Variants in RBM19 observed in about 807,000 individuals in gnomAD.
RBM19 encodes the protein RNA binding motif protein 19.
Under a neutral mutation model 116.8 loss-of-function variants are expected in RBM19, and 94 were observed. The ratio of observed to expected loss-of-function variants is 0.80; its 90% confidence interval spans 0.68 to 0.95. The LOEUF is 0.95. RBM19 is among the 40% of genes least tolerant of loss of function. RBM19 has a pLI of 0.00. For synonymous variants in RBM19, 475 were observed against 494.1 expected (o/e 0.96, Z 0.51); for missense variants, 1,161 against 1,220.7 (o/e 0.95, Z 0.73).
Position 113,899,769 on chromosome 12 carries a change from A to G in RBM19, c.2558+15200T>C, listed in dbSNP as rs954200383. On this transcript the variant is annotated intron_variant, in intron 21 of 23. Coordinates refer to ENST00000261741, the MANE Select transcript of RBM19 (RefSeq NM_016196.4). ...GTGAGGGGAGAGAAGCTGTTCCTAA[A>G]GAGGAATCCCCCAAGCTGTCTGGGG... Among the ~76,000 whole-genome samples, 8 of 152,060 alleles carry G rather than the reference A, an allele frequency of 5.3e-5. No homozygotes were observed. The East Asian group carries it at 1.2e-3, about 22-fold the overall frequency.
chr12:113,892,071 T>G (rs181771506), intron 21 of RBM19, among the ~76,000 whole-genome samples: 1 of 152,304 alleles, frequency 6.6e-6, no homozygotes, highest in Admixed American at 6.5e-5. Flanking sequence ...ACTTACTCTG[T>G]GAGCTGAGCC....
intron 21 of RBM19, among the ~76,000 whole-genome samples, chr12:113,880,906 AACGT>A (rs1332839330): frequency 3.3e-5 from 5 of 152,156 alleles, no homozygotes; most frequent in African/African-American, 9.7e-5. Context: ...AAACATCAGG[AACGT>A]AGACAGAAAG....
At chr12:113,871,926 C>T (rs1288835478) in intron 21 of RBM19, among the ~76,000 whole-genome samples, 41 of 152,032 alleles carry the variant, frequency 2.7e-4, no homozygotes, top group Middle Eastern at 6.8e-3. Flanking sequence ...GCCGAGATTG[C>T]AGCCTCTGCC....
At chr12:113,839,897 A>G (rs1876315562) in intron 23 of RBM19, among the ~76,000 whole-genome samples, 1 of 152,160 alleles carries the variant, frequency 6.6e-6, no homozygotes, top group African/African-American at 2.4e-5. Context: ...TCCAAAGTTG[A>G]TGCTCTTTTT....
At chr12:113,901,457 G>A (rs1391122804) in intron 21 of RBM19, among the ~76,000 whole-genome samples, 1 of 152,140 alleles carries the variant, frequency 6.6e-6, no homozygotes, top group Non-Finnish European at 1.5e-5. Flanking sequence ...TTCACATAGA[G>A]AGTAAGCCTG....
At chr12:113,945,953 C>G (rs369852568) in intron 12 of RBM19, 29 bp from the exon 13 acceptor site, 6 of 1,514,690 alleles carry the variant, frequency 4.0e-6, no homozygotes, top group African/African-American at 2.8e-5. Context: ...ACAGGGAGAT[C>G]AGACCGCAGC....
At chr12:113,964,181 CCTAAA>C (rs753558338) in intron 1 of RBM19, among the ~76,000 whole-genome samples, 55 of 152,192 alleles carry the variant, frequency 3.6e-4, no homozygotes, top group African/African-American at 4.3e-4. Flanking sequence ...CAATTCAATC[CCTAAA>C]CTAAAGATTG....
At position 113,959,917 on chromosome 12, in the gene RBM19, GCA is replaced by G; in HGVS notation, c.340-16_340-15del. The G allele has an allele frequency of 1.2e-6, 2 of 1,614,170 alleles. No individual in the cohort carries two copies. The highest frequency in any genetic ancestry group is 1.7e-6 in the Non-Finnish European group (2 of 1,180,018). ...CTTCTTCTCATCCTGAAAACAGAAG[GCA>G]CAGAGAGTGAGGGTCACACAGATGA... On this transcript the variant is annotated splice_polypyrimidine_tract_variant and intron_variant, in intron 3 of 23. Transcript: ENST00000261741.
At chr12:113,858,354 A>T (rs1309395909) in intron 22 of RBM19, among the ~76,000 whole-genome samples, 1 of 152,196 alleles carries the variant, frequency 6.6e-6, no homozygotes, top group Non-Finnish European at 1.5e-5. Flanking sequence ...AGCGGAAAAA[A>T]GGAAGGGGAA....
chr12:113,951,935 T>C (rs1871505958), intron 8 of RBM19, among the ~76,000 whole-genome samples: 2 of 152,188 alleles, frequency 1.3e-5, no homozygotes, highest in Admixed American at 6.5e-5. Flanking sequence ...TCTTGAGAAG[T>C]AGCAAGTCAG....
chr12:113,957,652 C>T (rs371135122), intron 6 of RBM19, 130 bp downstream of exon 6: 33 of 1,315,580 alleles, frequency 2.5e-5, no homozygotes, highest in African/African-American at 2.3e-4. Flanking sequence ...GGGCCAAGAT[C>T]GGGAAGGCTT....
chr12:113,893,366 GC>G (rs1881085545), intron 21 of RBM19, among the ~76,000 whole-genome samples: 1 of 152,154 alleles, frequency 6.6e-6, no homozygotes, highest in African/African-American at 2.4e-5. Flanking sequence ...CTGGGCTCAA[GC>G]AATCCGCCCG....
At chr12:113,839,441 A>C (rs1359791563) in intron 23 of RBM19, among the ~76,000 whole-genome samples, 1 of 152,164 alleles carries the variant, frequency 6.6e-6, no homozygotes, top group Non-Finnish European at 1.5e-5. Context: ...GCATCACCTC[A>C]CTTTCCCAAT....
At position 113,825,180 on chromosome 12, in the gene RBM19, C is replaced by T. The variant is rs1438855599; in HGVS notation, c.2786-1859G>A. Among the ~76,000 whole-genome samples, 2 of 152,220 alleles carry T rather than the reference C, an allele frequency of 1.3e-5. No homozygotes were observed. The highest frequency in any genetic ancestry group is 6.5e-5 in the Admixed American group (1 of 15,292). On this transcript the variant is annotated intron_variant, in intron 23 of 23. Transcript: ENST00000261741. The surrounding 1 kb of genome is among the most constrained non-coding windows in gnomAD (Gnocchi z 5.7). ...GAAATATCCCAGAAAGGGGAATGAG[C>T]GGACGGAGCAAGGGTGAGAGAGAGA...
chr12:113,828,450 G>T (rs1362216480), intron 23 of RBM19, among the ~76,000 whole-genome samples: 8 of 151,928 alleles, frequency 5.3e-5, no homozygotes, highest in South Asian at 2.1e-4. Flanking sequence ...GATAGGCAAG[G>T]CTTCCACAAA....
chr12:113,936,867 G>A, intron 16 of RBM19, 140 bp downstream of exon 16: 1 of 1,124,762 alleles, frequency 8.9e-7, no homozygotes, highest in Non-Finnish European at 1.2e-6. Context: ...TAAAATCTGA[G>A]AGTCTGAGCC....
intron 7 of RBM19, 144 bp downstream of exon 7, chr12:113,954,987 T>C (rs1466939684): frequency 6.8e-6 from 5 of 739,880 alleles, no homozygotes; most frequent in African/African-American, 5.2e-5. Context: ...GAGATGTTAT[T>C]TCTCAGCCTT....
At chr12:113,933,795 T>C (rs1279016836) in intron 16 of RBM19, among the ~76,000 whole-genome samples, 1 of 152,132 alleles carries the variant, frequency 6.6e-6, no homozygotes, top group East Asian at 1.9e-4. Flanking sequence ...ATCTCACTTG[T>C]CCCCCAACAG....
At chr12:113,908,228 A>G (rs975949959) in intron 21 of RBM19, among the ~76,000 whole-genome samples, 4 of 152,182 alleles carry the variant, frequency 2.6e-5, no homozygotes, top group African/African-American at 9.6e-5. Context: ...GCCCTAGCAG[A>G]TGAAAGGGCT....
Sources: allele counts gnomAD v4.1 joint callset (sites outside exome capture counted in the v4.1 genomes callset), GRCh38; gene constraint gnomAD v4.1.1; non-coding constraint Gnocchi (gnomAD v3.1); transcripts MANE v1.5; gene names NCBI Gene and HGNC (gene_info 2026-07-23, HGNC 2026-07-21).